TSPAN18: variants seen among roughly 807,000 people sequenced by gnomAD.
TSPAN18 encodes the protein tetraspanin-18.
TSPAN18 carries 14 observed loss-of-function variants against 27.3 expected under a neutral mutation model. The observed-to-expected ratio is 0.51, with a 90% CI of 0.34 to 0.80. TSPAN18 has a LOEUF of 0.80. Among genes scored for constraint, TSPAN18 ranks in the 30% least tolerant of loss-of-function variants. TSPAN18 has a pLI of 0.01. For synonymous variants in TSPAN18, 143 were observed against 136.5 expected (o/e 1.05, Z -0.33); for missense variants, 268 against 323.9 (o/e 0.83, Z 1.32).
chr11:44,849,068 A>T (rs1857543624), intron 2 of TSPAN18, among the ~76,000 whole-genome samples: 1 of 152,196 alleles, frequency 6.6e-6, no homozygotes. Context: ...TGGTTTTGAG[A>T]TCAGGAGGGA....
chr11:44,732,468 T>C (rs1295596333), intron 1 of TSPAN18, among the ~76,000 whole-genome samples: 1 of 152,208 alleles, frequency 6.6e-6, no homozygotes, highest in African/African-American at 2.4e-5. Flanking sequence ...ACCACTGTGT[T>C]ATATTTCCTC....
At chr11:44,876,443 C>A (rs1457070059) in intron 3 of TSPAN18, among the ~76,000 whole-genome samples, 1 of 152,164 alleles carries the variant, frequency 6.6e-6, no homozygotes, top group Non-Finnish European at 1.5e-5. Flanking sequence ...TTTCTTATCT[C>A]CAAAGTAAAG....
chr11:44,744,700 G>A (rs1184203997), intron 1 of TSPAN18, among the ~76,000 whole-genome samples: 1 of 152,192 alleles, frequency 6.6e-6, no homozygotes, highest in Non-Finnish European at 1.5e-5. Context: ...AATCAAATAA[G>A]CCGAAGAATG....
At chr11:44,779,071 A>G (rs528154451) in intron 2 of TSPAN18, among the ~76,000 whole-genome samples, 201 of 152,264 alleles carry the variant, frequency 1.3e-3, no homozygotes, top group Non-Finnish European at 1.6e-3. Context: ...GGATCCTGAA[A>G]GAGCCCCAGG....
At chr11:44,866,842 C>A (rs2135228586) in intron 3 of TSPAN18, among the ~76,000 whole-genome samples, 1 of 152,306 alleles carries the variant, frequency 6.6e-6, no homozygotes, top group South Asian at 2.1e-4. Flanking sequence ...CCAGCCGCCC[C>A]CAAGGCATAG....
chr11:44,855,095 A>G (rs1004094776), intron 2 of TSPAN18, among the ~76,000 whole-genome samples: 2 of 151,960 alleles, frequency 1.3e-5, no homozygotes, highest in Non-Finnish European at 2.9e-5. Flanking sequence ...GTATTTTAAA[A>G]TTTTATGTTT....
chr11:44,731,548 A>C (rs774143725), intron 1 of TSPAN18, among the ~76,000 whole-genome samples: 3 of 150,042 alleles, frequency 2.0e-5, no homozygotes, highest in Non-Finnish European at 4.4e-5. Flanking sequence ...TATTATTGTA[A>C]AATGGGAGGG....
At chr11:44,819,539 C>T (rs954516405) in intron 2 of TSPAN18, among the ~76,000 whole-genome samples, 4 of 152,292 alleles carry the variant, frequency 2.6e-5, no homozygotes, top group Non-Finnish European at 4.4e-5. Context: ...TGCACACTGG[C>T]AGCCTCGTTG....
At chr11:44,756,805 C>T (rs1855343821) in intron 1 of TSPAN18, among the ~76,000 whole-genome samples, 1 of 151,510 alleles carries the variant, frequency 6.6e-6, no homozygotes, top group Admixed American at 6.6e-5. Context: ...TTTGCTTATC[C>T]ATTCATCTGT....
At chr11:44,884,139 C>T (rs1858571556) in intron 3 of TSPAN18, among the ~76,000 whole-genome samples, 1 of 152,124 alleles carries the variant, frequency 6.6e-6, no homozygotes, top group Non-Finnish European at 1.5e-5. Context: ...CCTGCCCCTT[C>T]TAATTGCTAT....
chr11:44,904,614 AAAACAAAC>A (rs566942983), intron 3 of TSPAN18, among the ~76,000 whole-genome samples: 12 of 152,218 alleles, frequency 7.9e-5, no homozygotes, highest in Non-Finnish European at 1.8e-4. Flanking sequence ...AATGCACTTA[AAAACAAAC>A]AAACAAACAA....
chr11:44,919,338 G>A, intron 7 of TSPAN18, 26 bp downstream of exon 7: 1 of 1,593,102 alleles, frequency 6.3e-7, no homozygotes. Flanking sequence ...GAGATGCTAT[G>A]AACATTCAGA....
intron 5 of TSPAN18, among the ~76,000 whole-genome samples, chr11:44,914,831 C>T (rs1859847416): frequency 6.6e-6 from 1 of 152,200 alleles, no homozygotes; most frequent in Non-Finnish European, 1.5e-5. Context: ...AGCAAGGACT[C>T]AGCAGGTAGC....
chr11:44,920,130 T>C (rs1860071643), intron 8 of TSPAN18, 131 bp downstream of exon 8: 2 of 940,188 alleles, frequency 2.1e-6, no homozygotes, highest in South Asian at 3.6e-5. Context: ...TTGGCCATGA[T>C]ATGGGATGCC....
chr11:44,831,935 C>T (rs1383341203), intron 2 of TSPAN18, among the ~76,000 whole-genome samples: 1 of 152,100 alleles, frequency 6.6e-6, no homozygotes, highest in Non-Finnish European at 1.5e-5. Context: ...ATAAGAGGTT[C>T]TAAGCAGAGG....
intron 2 of TSPAN18, among the ~76,000 whole-genome samples, chr11:44,777,479 C>A (rs371990775): frequency 6.6e-6 from 1 of 152,174 alleles, no homozygotes; most frequent in Non-Finnish European, 1.5e-5. Flanking sequence ...CTTCCCAGGA[C>A]CCCTCCGGAA....
intron 3 of TSPAN18, among the ~76,000 whole-genome samples, chr11:44,895,825 G>A (rs777993706): frequency 5.9e-5 from 9 of 152,192 alleles, no homozygotes; most frequent in Non-Finnish European, 1.3e-4. Flanking sequence ...GACCAGGACT[G>A]GGATGCAGCA....
At chr11:44,804,403 G>A (rs774957387) in intron 2 of TSPAN18, among the ~76,000 whole-genome samples, 1 of 152,224 alleles carries the variant, frequency 6.6e-6, no homozygotes, top group Non-Finnish European at 1.5e-5. Context: ...TAAGTTTCTT[G>A]AGGGCCACAG....
At chr11:44,760,472 CTGTT>C (rs1855427816) in intron 1 of TSPAN18, among the ~76,000 whole-genome samples, 2 of 152,130 alleles carry the variant, frequency 1.3e-5, no homozygotes, top group South Asian at 2.1e-4. Context: ...CAGGGATGCT[CTGTT>C]TGTGAAAATT....
Sources: allele counts gnomAD v4.1 joint callset (sites outside exome capture counted in the v4.1 genomes callset), GRCh38; gene constraint gnomAD v4.1.1; transcripts MANE v1.5; gene names NCBI Gene and HGNC (gene_info 2026-07-23, HGNC 2026-07-21).